MAP3K4: variants seen among roughly 807,000 people sequenced by gnomAD.
MAP3K4 encodes the protein MAP three kinase 1.
In MAP3K4, 67 loss-of-function variants were observed where a neutral mutation model predicts 185.6. The observed-to-expected ratio is 0.36, with a 90% CI of 0.30 to 0.44. The LOEUF (loss-of-function observed/expected upper bound fraction) is 0.44, where lower values mean the gene tolerates loss of function less well. Ranked by LOEUF, MAP3K4 falls within the 20% of genes least tolerant of loss-of-function variation. MAP3K4 has a pLI of 1.00. For synonymous variants in MAP3K4, 702 were observed against 710.4 expected (o/e 0.99, Z 0.19); for missense variants, 1,551 against 1,995.1 (o/e 0.78, Z 4.24).
At position 161,073,393 on chromosome 6, in the gene MAP3K4, G is replaced by A. The variant is rs369131868; in HGVS notation, c.1951-73G>A. 1.4e-6 allele frequency: 2 copies of A among 1,409,634 alleles called. No homozygotes were observed. Among genetic ancestry groups the A allele is most frequent in the Non-Finnish European group, 1.9e-6 (2 of 1,063,042 alleles). The allele number at this position is 1,409,634 out of a possible 1,614,324, so 87.3% of individuals were successfully genotyped here. ...CCCTCTGAGTTTTTTGAAGATTTAA[G>A]TAGGAAGATATAAAACACGGATCGT... On this transcript the variant is annotated intron_variant, in intron 4 of 26. Transcript: ENST00000392142. The surrounding 1 kb of genome is among the most constrained non-coding windows in gnomAD (Gnocchi z 4.2).
chr6:161,082,113 T>C lies in MAP3K4; in HGVS notation c.2255+1075T>C, dbSNP rs1460515077. ...TTCTTTTTACATCCTCTCTCTTTAT[T>C]TGGAGTGGACAGTGAACTTGCTCTC... On this transcript the variant is annotated intron_variant, in intron 6 of 26. Transcript: ENST00000392142. This position sits in a 1 kb window ranked among gnomAD's most constrained non-coding sequence, Gnocchi z 4.2. Among the ~76,000 whole-genome samples the C allele has an allele frequency of 1.3e-5, 2 of 152,072 alleles. No individual in the cohort carries two copies.
In MAP3K4 at chr6:161,088,210, T is replaced by C. The variant is rs1433534026; in HGVS notation, c.2823+256T>C. 6.6e-6 allele frequency among the ~76,000 whole-genome samples: 1 copy of C among 152,208 alleles called. No individual in the cohort carries two copies. Among genetic ancestry groups the C allele is most frequent in the Non-Finnish European group, 1.5e-5 (1 of 68,036 alleles). On this transcript the variant is annotated intron_variant, in intron 10 of 26. Transcript: ENST00000392142. This position sits in a 1 kb window ranked among gnomAD's most constrained non-coding sequence, Gnocchi z 4.5. Reference sequence around the variant, plus strand: ...TTTATATCTTTTCTTAGTTCAGTCATGTAGTTAGATCTGTGGAGCTATGAT... The same window carrying C: ...TTTATATCTTTTCTTAGTTCAGTCACGTAGTTAGATCTGTGGAGCTATGAT...
chr6:161,021,311 T>C (rs911588359), intron 1 of MAP3K4, among the ~76,000 whole-genome samples: 1 of 152,192 alleles, frequency 6.6e-6, no homozygotes, highest in African/African-American at 2.4e-5. Context: ...CATAACGTAG[T>C]CTGTTCCTGC....
In MAP3K4 at chr6:161,035,288, T is replaced by C. The variant is rs1583144783; in HGVS notation, c.343+839T>C. Among the ~76,000 whole-genome samples the C allele has an allele frequency of 2.0e-5, 3 of 152,318 alleles. No homozygotes were observed. In the South Asian group the frequency reaches 6.2e-4, roughly 32 times the overall value. On this transcript the variant is annotated intron_variant, in intron 2 of 26. Coordinates refer to ENST00000392142, the MANE Select transcript of MAP3K4 (RefSeq NM_005922.4). ...TTTAGTCTTCATCTTGTCTGAGAAA[T>C]TTCTTCCTGTTGACCTCACACTCAT...
Position 161,103,842 on chromosome 6 carries a change from T to A in MAP3K4, c.3856+1063T>A, listed in dbSNP as rs532095522. Among the ~76,000 whole-genome samples, 1 of 152,246 alleles carries A rather than the reference T, an allele frequency of 6.6e-6. No homozygotes were observed. The highest frequency in any genetic ancestry group is 1.9e-4 in the East Asian group (1 of 5,172). On this transcript the variant is annotated intron_variant, in intron 19 of 26. Coordinates refer to ENST00000392142, the MANE Select transcript of MAP3K4 (RefSeq NM_005922.4). This position sits in a 1 kb window ranked among gnomAD's most constrained non-coding sequence, Gnocchi z 4.6. ...ATACGATACTGGACTAATGTGGGAT[T>A]TAAAAGAGGTAATGGCAGCAAGAAA...
At chr6:161,042,962 CA>C (rs1783556232) in intron 2 of MAP3K4, among the ~76,000 whole-genome samples, 1 of 151,662 alleles carries the variant, frequency 6.6e-6, no homozygotes, top group South Asian at 2.1e-4. Flanking sequence ...GGAAATATCT[CA>C]AGGTGTGTGT....
Position 161,049,729 on chromosome 6 carries a change from C to T in MAP3K4, c.1457C>T (p.Ser486Leu), listed in dbSNP as rs1211740078. The change falls in exon 3 of 27, where the codon TCG becomes TTG. Residue 486 changes from serine (S) to leucine (L), a missense_variant. Around this residue, in one of 16 missense-constraint regions of MAP3K4, gnomAD observed 126 missense variants for 112.8 expected, o/e 1.12. Coordinates refer to ENST00000392142, the MANE Select transcript of MAP3K4 (RefSeq NM_005922.4). This position sits in a 1 kb window ranked among gnomAD's most constrained non-coding sequence, Gnocchi z 8.4. ...QPIDNSFDIQ[S>L]RDCISKKLER... ...ATAGATAACAGCTTCGACATCCAGTCGCGGGACTGCATATCCAAGAAGCTT... is the reference window on the plus strand; with the variant it reads ...ATAGATAACAGCTTCGACATCCAGTTGCGGGACTGCATATCCAAGAAGCTT... 7.4e-6 allele frequency: 12 copies of T among 1,614,110 alleles called. No individual in the cohort carries two copies. Among genetic ancestry groups the T allele is most frequent in the Admixed American group, 6.7e-5 (4 of 60,000 alleles).
intron 1 of MAP3K4, among the ~76,000 whole-genome samples, chr6:160,992,849 A>G (rs1454986852): frequency 6.6e-6 from 1 of 152,062 alleles, no homozygotes; most frequent in Non-Finnish European, 1.5e-5. Context: ...CAAACTCACC[A>G]TAACTGAGAA....
intron 7 of MAP3K4, among the ~76,000 whole-genome samples, chr6:161,085,907 G>T (rs9364586): frequency 0.87 from 132,270 of 152,170 alleles, 57,572 homozygotes; most frequent in East Asian, 0.99. Flanking sequence ...CATTGCTCAG[G>T]GACATCATAC....
intron 6 of MAP3K4, 134 bp downstream of exon 6, chr6:161,081,172 C>A: frequency 1.0e-6 from 1 of 956,250 alleles, no homozygotes; most frequent in African/African-American, 1.7e-5. Context: ...CATATGTGCA[C>A]CCTCTTCCAA....
intron 2 of MAP3K4, among the ~76,000 whole-genome samples, chr6:161,036,835 G>C (rs531229962): frequency 6.6e-6 from 1 of 152,224 alleles, no homozygotes; most frequent in East Asian, 1.9e-4. Flanking sequence ...GATGCTCCAA[G>C]GAAATGCTAA....
At position 161,063,678 on chromosome 6, in the gene MAP3K4, T is replaced by G. The variant is rs530295505; in HGVS notation, c.1708-6930T>G. Among the ~76,000 whole-genome samples, 11 of 152,170 alleles carry G rather than the reference T, an allele frequency of 7.2e-5. No individual in the cohort carries two copies. The highest frequency in any genetic ancestry group is 1.6e-4 in the Non-Finnish European group (11 of 68,008). On this transcript the variant is annotated intron_variant, in intron 3 of 26. Coordinates refer to ENST00000392142, the MANE Select transcript of MAP3K4 (RefSeq NM_005922.4). The surrounding 1 kb of genome is among the most constrained non-coding windows in gnomAD (Gnocchi z 5.4). ...AGAATTCCTGGAAGGGAATTTGGGG[T>G]ACTAGTTTTAAGATATTATGGGGCC...
intron 3 of MAP3K4, among the ~76,000 whole-genome samples, chr6:161,052,810 TG>T (rs1024025843): frequency 2.0e-5 from 3 of 152,126 alleles, no homozygotes; most frequent in Non-Finnish European, 4.4e-5. Context: ...TCGTTTTATT[TG>T]GTATGTCAGG....
rs193163287 is a variant in MAP3K4, at chr6:161,055,439, A to G, written c.1707+5460A>G. 1.6e-4 allele frequency among the ~76,000 whole-genome samples: 25 copies of G among 152,352 alleles called. No individual in the cohort carries two copies. In the East Asian group the frequency reaches 4.4e-3, roughly 27 times the overall value. On this transcript the variant is annotated intron_variant, in intron 3 of 26. Coordinates refer to ENST00000392142, the MANE Select transcript of MAP3K4 (RefSeq NM_005922.4). ...AATATCAGATTGATAGAAAATTTGC[A>G]AAGATAGTACAGAATTCTTATATGC...
rs1362754510 is a variant in MAP3K4 at position 161,070,056 on chromosome 6, G to C, written c.1708-552G>C. Among the ~76,000 whole-genome samples the C allele has an allele frequency of 6.6e-6, 1 of 152,212 alleles. No individual in the cohort carries two copies. The highest frequency in any genetic ancestry group is 1.5e-5 in the Non-Finnish European group (1 of 68,040). ...CGGATAACTGAGTCATGCCAACCAG[G>C]TTGATCTTAACGATTTTTTAATTTT... On this transcript the variant is annotated intron_variant, in intron 3 of 26. Transcript: ENST00000392142. This position sits in a 1 kb window ranked among gnomAD's most constrained non-coding sequence, Gnocchi z 4.5.
In MAP3K4 at chr6:161,087,969, C is replaced by T; in HGVS notation, c.2823+15C>T. ...GAAGCATGCAGGTACAGCTCATCTC[C>T]ATCTTTGCAGCAGTGTTACTTCAAG... On this transcript the variant is annotated intron_variant, in intron 10 of 26. Coordinates refer to ENST00000392142, the MANE Select transcript of MAP3K4 (RefSeq NM_005922.4). This position sits in a 1 kb window ranked among gnomAD's most constrained non-coding sequence, Gnocchi z 4.9. The T allele has an allele frequency of 6.2e-7, 1 of 1,602,036 alleles. No homozygotes were observed. The highest frequency in any genetic ancestry group is 2.2e-5 in the East Asian group (1 of 44,770).
intron 3 of MAP3K4, among the ~76,000 whole-genome samples, chr6:161,057,335 A>G (rs1015471442): frequency 4.6e-5 from 7 of 152,138 alleles, no homozygotes; most frequent in African/African-American, 1.7e-4. Context: ...AGACTCAACA[A>G]CCCTGTGAGG....
At position 161,091,688 on chromosome 6, in the gene MAP3K4, A is replaced by T; in HGVS notation, c.3135+148A>T. 1 of 730,582 alleles carries T rather than the reference A, an allele frequency of 1.4e-6. No homozygotes were observed. Among genetic ancestry groups the T allele is most frequent in the Non-Finnish European group, 2.2e-6 (1 of 450,440 alleles). The allele number at this position is 730,582 out of a possible 1,614,324, so 45.3% of individuals were successfully genotyped here. ...CTTATATCACTGCTGTATATCAGAG[A>T]TGTTAGTTTACTTTTAAACTGTTAG... On this transcript the variant is annotated intron_variant, in intron 12 of 26. Transcript: ENST00000392142. The surrounding 1 kb of genome is among the most constrained non-coding windows in gnomAD (Gnocchi z 5.5).
At position 161,048,283 on chromosome 6, in the gene MAP3K4, A is replaced by T; in HGVS notation, c.344-333A>T. 1.8e-6 allele frequency: 1 copy of T among 554,430 alleles called. No homozygotes were observed. Among genetic ancestry groups the T allele is most frequent in the Non-Finnish European group, 3.6e-6 (1 of 274,970 alleles). The allele number at this position is 554,430 out of a possible 1,614,324, so 34.3% of individuals were successfully genotyped here. A position where few individuals can be genotyped will look rare whatever the true frequency, so the allele number is the denominator to read the frequency against. On this transcript the variant is annotated intron_variant, in intron 2 of 26. Coordinates refer to ENST00000392142, the MANE Select transcript of MAP3K4 (RefSeq NM_005922.4). This position sits in a 1 kb window ranked among gnomAD's most constrained non-coding sequence, Gnocchi z 4.7. ...TCTCCCATGCTGTTTCTTCCTCCTT[A>T]AATTGAAGGTGATTACTTACGGAAA...
Sources: gnomAD v4.1 joint callset for allele counts (sites outside exome capture counted in the v4.1 genomes callset) on GRCh38, gnomAD v4.1.1 for gene constraint, gnomAD v4.1.1 regional missense constraint, Gnocchi (gnomAD v3.1) non-coding constraint, MANE v1.5 for transcripts, NCBI Gene and HGNC (gene_info 2026-07-23, HGNC 2026-07-21) for gene names.